Variants in DMTF1 observed in about 807,000 individuals in gnomAD.
The protein encoded by DMTF1 is cyclin-D-binding Myb-like transcription factor 1.
Under a neutral mutation model 91.1 loss-of-function variants are expected in DMTF1, and 39 were observed. That is an observed-to-expected ratio of 0.43 (90% CI 0.33 to 0.56). The LOEUF (loss-of-function observed/expected upper bound fraction) is 0.56, where lower values mean the gene tolerates loss of function less well. Ranked by LOEUF, DMTF1 falls within the 20% of genes least tolerant of loss-of-function variation. The probability of loss-of-function intolerance (pLI) is 0.05; values close to 1 mark genes in which losing one functional copy is unlikely to be tolerated. For synonymous variants in DMTF1, 338 were observed against 309.5 expected, an observed-to-expected ratio of 1.09 and a Z score of -0.97; for missense variants, 750 against 914.5, an observed-to-expected ratio of 0.82 and a Z score of 2.32.
chr7:87,158,504 A>G (rs1045863965), intron 1 of DMTF1, among the ~76,000 whole-genome samples: 36 of 152,094 alleles, frequency 2.4e-4, no homozygotes, highest in Admixed American at 1.2e-3. Flanking sequence ...GTTTTCTAAA[A>G]TTTATTCTTG....
intron 2 of DMTF1, among the ~76,000 whole-genome samples, chr7:87,163,940 G>A (rs759290408): frequency 6.6e-6 from 1 of 151,878 alleles, no homozygotes. Flanking sequence ...CTATTCGGGT[G>A]GCTAAGACAG....
chr7:87,193,987 A>C lies in DMTF1; in HGVS notation c.1913A>C (p.Gln638Pro). 2 of 1,613,376 alleles carry C rather than the reference A, an allele frequency of 1.2e-6. No homozygotes were observed. Among genetic ancestry groups the C allele is most frequent in the Non-Finnish European group, 1.7e-6 (2 of 1,179,602 alleles). ...GCTCATGTATCCAAATTCAGTGACC[A>C]AAATAGCACAGAACTGATGAATAGT... Reference protein sequence around the residue: ...NDAHVSKFSDQNSTELMNSVM... With the variant: ...NDAHVSKFSDPNSTELMNSVM... Residue 638 changes from glutamine (Q) to proline (P), a missense_variant, in exon 16 of 18, where the codon CAA (glutamine) becomes CCA (proline). Gln to Pro is a moderately conservative substitution (Grantham distance 76). Coordinates refer to ENST00000331242, the MANE Select transcript of DMTF1 (RefSeq NM_001142327.2).
rs749908151 is a variant in DMTF1, at chr7:87,194,798, G to C, written c.2143G>C (p.Glu715Gln). The change falls in exon 17 of 18, where the codon GAA becomes CAA. Residue 715 changes from glutamate to glutamine, a missense_variant. Glu to Gln is a conservative substitution (Grantham distance 29). Around this residue, in one of 3 missense-constraint regions of DMTF1, gnomAD observed 410 missense variants for 420.2 expected, o/e 0.98. Transcript: ENST00000331242. Reference sequence around the variant, plus strand: ...CCAGGCATCTGATGTTATAGATACTGAATCTGTCTTGCCTTTGACAACACT... The same window carrying C: ...CCAGGCATCTGATGTTATAGATACTCAATCTGTCTTGCCTTTGACAACACT... ...FIQASDVIDT[E>Q]SVLPLTTLTD... 1.2e-6 allele frequency: 2 copies of C among 1,611,916 alleles called. No individual in the cohort carries two copies. The highest frequency in any genetic ancestry group is 2.2e-5 in the South Asian group (2 of 90,916).
chr7:87,173,459 C>A, intron 5 of DMTF1, 76 bp from the exon 6 acceptor site: 1 of 808,616 alleles, frequency 1.2e-6, no homozygotes, highest in Non-Finnish European at 2.0e-6. Context: ...AAAGATGAAT[C>A]CGGTTGAGCA....
At chr7:87,163,306 G>C (rs1335974590) in intron 1 of DMTF1, 189 bp from the exon 2 acceptor site, 1 of 148,954 alleles carries the variant, frequency 6.7e-6, no homozygotes, top group Non-Finnish European at 1.5e-5. Flanking sequence ...CATCATTTCT[G>C]TCCTTCATTG....
intron 16 of DMTF1, 25 bp from the exon 17 acceptor site, chr7:87,194,659 A>ATATT: frequency 6.5e-7 from 1 of 1,545,742 alleles, no homozygotes; most frequent in East Asian, 2.3e-5. Context: ...ATATGAGTCA[A>ATATT]TATTTTTTTT....
chr7:87,163,876 C>T (rs537024393), intron 2 of DMTF1, among the ~76,000 whole-genome samples: 1 of 151,820 alleles, frequency 6.6e-6, no homozygotes, highest in Non-Finnish European at 1.5e-5. Context: ...GGACTAATAT[C>T]TTGTGTATAG....
chr7:87,194,558 TTTTTATTTTATATTC>T (rs1261676011), intron 16 of DMTF1, 111 bp from the exon 17 acceptor site: 14 of 701,316 alleles, frequency 2.0e-5, no homozygotes, highest in Admixed American at 3.3e-5. Flanking sequence ...AGACCTTAAC[TTTTTATTTTATATTC>T]TGATTTTTAA....
In DMTF1 at chr7:87,173,200, C is replaced by T. The variant is rs188969880; in HGVS notation, c.328-335C>T. ...TTTACATGTGTAAATATTTAAATTTCCCTGAATATTCTATGTTGATTTAAA... is the reference window on the plus strand; with the variant it reads ...TTTACATGTGTAAATATTTAAATTTTCCTGAATATTCTATGTTGATTTAAA... On this transcript the variant is annotated intron_variant, in intron 5 of 17. Coordinates refer to ENST00000331242, the MANE Select transcript of DMTF1 (RefSeq NM_001142327.2). Among the ~76,000 whole-genome samples, 43 of 152,044 alleles carry T rather than the reference C, an allele frequency of 2.8e-4. No homozygotes were observed. The East Asian group carries it at 6.0e-3, about 21-fold the overall frequency.
intron 16 of DMTF1, 134 bp downstream of exon 16, chr7:87,194,236 C>A: frequency 1.0e-6 from 1 of 1,004,488 alleles, no homozygotes; most frequent in Non-Finnish European, 1.4e-6. Flanking sequence ...AGTGTTGTCA[C>A]TGGCAGAAAT....
Position 87,173,632 on chromosome 7 carries a change from A to G in DMTF1, c.425A>G (p.Asp142Gly). The G allele has an allele frequency of 6.2e-7, 1 of 1,607,822 alleles. No homozygotes were observed. The highest frequency in any genetic ancestry group is 8.5e-7 in the Non-Finnish European group (1 of 1,175,932). ...QAWFTTKEDK[D>G]SLTNKGHKWK... The stretch of plus-strand genomic sequence containing the variant: ...TGGTTTACAACTAAAGAAGATAAGG[A>G]TTCTCTGACTAATAAAGGTAAGATA... Residue 142 changes from aspartate to glycine, a missense_variant, in exon 6 of 18, where the codon GAT becomes GGT. By Grantham distance (94) the Asp-to-Gly change is moderately conservative. This residue lies in a region of DMTF1 where 190 missense variants were observed against 343.8 expected (regional missense o/e 0.55). Coordinates refer to ENST00000331242, the MANE Select transcript of DMTF1 (RefSeq NM_001142327.2).
chr7:87,174,692 G>A (rs1442827395), intron 7 of DMTF1, 23 bp downstream of exon 7: 2 of 1,553,722 alleles, frequency 1.3e-6, no homozygotes, highest in Non-Finnish European at 1.8e-6. Flanking sequence ...ATATTTTTAT[G>A]TTTCACCAAT....
At chr7:87,176,797 A>T (rs1414269042) in intron 7 of DMTF1, among the ~76,000 whole-genome samples, 1 of 152,184 alleles carries the variant, frequency 6.6e-6, no homozygotes, top group Admixed American at 6.6e-5. Flanking sequence ...AGCTTTTATT[A>T]TGTGGTGCTC....
chr7:87,182,093 C>T, intron 9 of DMTF1, 135 bp from the exon 10 acceptor site: 1 of 1,542,830 alleles, frequency 6.5e-7, no homozygotes, highest in South Asian at 1.2e-5. Flanking sequence ...CACTTTCAAA[C>T]TTTGGCTCTC....
intron 14 of DMTF1, among the ~76,000 whole-genome samples, chr7:87,191,327 TA>T (rs1283406788): frequency 6.6e-6 from 1 of 152,130 alleles, no homozygotes; most frequent in Non-Finnish European, 1.5e-5. Context: ...GTGGACAAAC[TA>T]ATCATGAGCA....
chr7:87,179,829 G>A, intron 8 of DMTF1, 127 bp downstream of exon 8: 2 of 860,042 alleles, frequency 2.3e-6, no homozygotes, highest in Non-Finnish European at 3.4e-6. Context: ...TATCCTCCAG[G>A]TCCATGTTGT....
chr7:87,170,843 T>G, intron 4 of DMTF1, 152 bp from the exon 5 acceptor site: 1 of 617,466 alleles, frequency 1.6e-6, no homozygotes, highest in South Asian at 1.7e-5. Flanking sequence ...ACATTAAGTA[T>G]TATTAAGCAA....
At chr7:87,168,508 C>T (rs73206947) in intron 4 of DMTF1, among the ~76,000 whole-genome samples, 1 of 152,138 alleles carries the variant, frequency 6.6e-6, no homozygotes, top group Non-Finnish European at 1.5e-5. Context: ...GATCCTGTTA[C>T]GTTTTCATTG....
chr7:87,193,074 G>A, intron 14 of DMTF1, 124 bp from the exon 15 acceptor site: 1 of 933,326 alleles, frequency 1.1e-6, no homozygotes, highest in African/African-American at 1.7e-5. Context: ...GCCCTACATT[G>A]TATTACTTGT....
Sources: gnomAD v4.1 joint callset for allele counts (sites outside exome capture counted in the v4.1 genomes callset) on GRCh38, gnomAD v4.1.1 for gene constraint, gnomAD v4.1.1 regional missense constraint, MANE v1.5 for transcripts, NCBI Gene and HGNC (gene_info 2026-07-23, HGNC 2026-07-21) for gene names.